MAP3K15: variants seen among roughly 807,000 people sequenced by gnomAD.
MAP3K15 encodes MAPK/ERK kinase kinase 15.
MAP3K15 carries 124 observed loss-of-function variants against 99.5 expected under a neutral mutation model. The ratio of observed to expected loss-of-function variants is 1.25; its 90% CI spans 1.08 to 1.45. The LOEUF (loss-of-function observed/expected upper bound fraction) is 1.45. MAP3K15 is among the 40% of genes most tolerant of loss of function. The pLI, the probability that MAP3K15 is intolerant of heterozygous loss-of-function variation, is 0.00. For synonymous variants in MAP3K15, 494 were observed against 439.6 expected (o/e 1.12, Z -1.55); for missense variants, 1,242 against 1,079.7 (o/e 1.15, Z -2.11).
intron 1 of MAP3K15, among the ~76,000 whole-genome samples, chrX:19,505,762 T>C (rs1350062651): frequency 9.3e-6 from 1 of 107,721 alleles, no homozygotes; most frequent in African/African-American, 3.4e-5. Context: ...TTTTTTTTTT[T>C]TGAGATGGAG....
intron 15 of MAP3K15, among the ~76,000 whole-genome samples, chrX:19,396,019 T>G (rs1343497772): frequency 8.9e-6 from 1 of 111,738 alleles, no homozygotes; most frequent in African/African-American, 3.3e-5. Flanking sequence ...AGCTCAAAGT[T>G]GATCTATTTT....
At chrX:19,466,479 C>T (rs1053634355) in intron 3 of MAP3K15, among the ~76,000 whole-genome samples, 13 of 111,434 alleles carry the variant, frequency 1.2e-4, no homozygotes, top group African/African-American at 4.2e-4. Flanking sequence ...CTTCGCTAGG[C>T]ACTTCTCCTT....
chrX:19,415,264 A>G lies in MAP3K15; in HGVS notation c.1440-7T>C. The G allele has an allele frequency of 8.6e-7, 1 of 1,161,005 alleles. No homozygotes were observed. The highest frequency in any genetic ancestry group is 1.1e-6 in the Non-Finnish European group (1 of 875,641). On this transcript the variant is annotated splice_polypyrimidine_tract_variant and splice_region_variant and intron_variant, in intron 9 of 28. Transcript: ENST00000338883. ...AACTAATGATCGCAGGTACCTGGAA[A>G]AATCACAAACAGCAATATATTGGAT...
intron 3 of MAP3K15, among the ~76,000 whole-genome samples, chrX:19,471,452 G>C (rs1359032045): frequency 2.7e-5 from 3 of 111,064 alleles, no homozygotes; most frequent in Non-Finnish European, 3.8e-5. Flanking sequence ...AGTAGAGACA[G>C]GGTTTCTCCA....
chrX:19,407,041 A>C, intron 13 of MAP3K15, 147 bp downstream of exon 13: 1 of 394,826 alleles, frequency 2.5e-6, no homozygotes, highest in Non-Finnish European at 4.3e-6. Context: ...TGCTATGTGA[A>C]TTACAGAAAT....
chrX:19,374,194 C>T (rs757062818), intron 20 of MAP3K15, among the ~76,000 whole-genome samples: 1 of 111,326 alleles, frequency 9.0e-6, no homozygotes, highest in East Asian at 2.9e-4. Context: ...CTTGCCTCCC[C>T]ACTCTCTTCC....
At chrX:19,502,216 A>G (rs979706085) in intron 1 of MAP3K15, among the ~76,000 whole-genome samples, 2 of 106,100 alleles carry the variant, frequency 1.9e-5, no homozygotes, top group African/African-American at 7.0e-5. Context: ...TCAGAGGAAG[A>G]CTACAGGTGG....
At chrX:19,424,437 C>T (rs1002183507) in intron 9 of MAP3K15, among the ~76,000 whole-genome samples, 1 of 108,766 alleles carries the variant, frequency 9.2e-6, no homozygotes, top group African/African-American at 3.3e-5. Flanking sequence ...TACTGTCCAC[C>T]CCTCCTGGGC....
Position 19,369,846 on chromosome X carries a change from G to A in MAP3K15, c.3401-627C>T, listed in dbSNP as rs747045577. ...AATTGCTTGAACCTGGGAGATGGAG[G>A]TTGCAGTGAGGCGAGATCGCATCAT... is the stretch of plus-strand genomic sequence containing the variant. On this transcript the variant is annotated intron_variant, in intron 24 of 28. Transcript: ENST00000338883. Among the ~76,000 whole-genome samples the A allele has an allele frequency of 5.4e-5, 6 of 110,638 alleles. No individual in the cohort carries two copies. The South Asian group carries it at 2.3e-3, about 43-fold the overall frequency.
At chrX:19,420,144 C>A (rs746574463) in intron 9 of MAP3K15, among the ~76,000 whole-genome samples, 16 of 111,190 alleles carry the variant, frequency 1.4e-4, no homozygotes, top group Middle Eastern at 4.6e-3. Context: ...GAAGCAAGAG[C>A]AAACACATTC....
intron 8 of MAP3K15, 79 bp downstream of exon 8, chrX:19,426,152 G>T: frequency 4.1e-6 from 2 of 493,464 alleles, no homozygotes; most frequent in Non-Finnish European, 6.4e-6. Context: ...ATGATATAAT[G>T]CTAGTTATTT....
chrX:19,433,402 G>T (rs1002071014), intron 6 of MAP3K15, among the ~76,000 whole-genome samples: 1 of 111,279 alleles, frequency 9.0e-6, no homozygotes, highest in Admixed American at 9.6e-5. Flanking sequence ...AAGGAAGAGT[G>T]AATTTTCTTT....
chrX:19,482,698 T>G (rs1255353880), intron 3 of MAP3K15, among the ~76,000 whole-genome samples: 2 of 112,047 alleles, frequency 1.8e-5, no homozygotes, highest in African/African-American at 6.5e-5. Context: ...ATTATGTCAT[T>G]TATTAAAAAT....
At chrX:19,449,606 C>T (rs772830763) in intron 6 of MAP3K15, among the ~76,000 whole-genome samples, 1 of 108,650 alleles carries the variant, frequency 9.2e-6, no homozygotes, top group Admixed American at 9.8e-5. Context: ...AGGACAGCCC[C>T]CATGACAGAG....
intron 6 of MAP3K15, among the ~76,000 whole-genome samples, chrX:19,433,250 A>C (rs2063897409): frequency 9.0e-6 from 1 of 111,013 alleles, no homozygotes; most frequent in Non-Finnish European, 1.9e-5. Context: ...AAGCTAGTAA[A>C]ACGTTATTTC....
intron 6 of MAP3K15, among the ~76,000 whole-genome samples, chrX:19,448,461 T>C (rs1352258900): frequency 1.8e-5 from 2 of 109,149 alleles, no homozygotes; most frequent in African/African-American, 3.3e-5. Flanking sequence ...ACCAATTTTC[T>C]GGATGCCCAG....
intron 22 of MAP3K15, 117 bp downstream of exon 22, chrX:19,372,536 C>T (rs758738356): frequency 2.1e-5 from 13 of 619,008 alleles, no homozygotes; most frequent in South Asian, 6.6e-5. Flanking sequence ...CAGTGATCAC[C>T]GTAACTATGC....
intron 14 of MAP3K15, among the ~76,000 whole-genome samples, chrX:19,399,903 C>T (rs1482304776): frequency 3.6e-5 from 4 of 111,519 alleles, no homozygotes; most frequent in African/African-American, 1.3e-4. Context: ...TTCATTTCTA[C>T]AACAAACTCT....
At chrX:19,512,354 G>C (rs62589431) in intron 1 of MAP3K15, among the ~76,000 whole-genome samples, 4,612 of 111,947 alleles carry the variant, frequency 0.041, 103 homozygotes, top group South Asian at 0.11. Context: ...CCGTTCAACA[G>C]TTCCCCTCCC....
Sources: gnomAD v4.1 joint callset for allele counts (sites outside exome capture counted in the v4.1 genomes callset) on GRCh38, gnomAD v4.1.1 for gene constraint, MANE v1.5 for transcripts, NCBI Gene and HGNC (gene_info 2026-07-23, HGNC 2026-07-21) for gene names.